PHF2: variants seen among roughly 807,000 people sequenced by gnomAD.
PHF2 encodes the protein lysine-specific demethylase PHF2.
Under a neutral mutation model 120.5 loss-of-function variants are expected in PHF2, and 27 were observed. The ratio of observed to expected loss-of-function variants is 0.22; its 90% CI spans 0.17 to 0.31. The LOEUF is 0.31. Among genes scored for constraint, PHF2 ranks in the 10% least tolerant of loss-of-function variants. The pLI is 1.00. For missense variants in PHF2, 1,024 were observed against 1,434.8 expected, an observed-to-expected ratio of 0.71 and a Z score of 4.63; for synonymous variants, 568 against 592.5, an observed-to-expected ratio of 0.96 and a Z score of 0.60.
chr9:93,672,349 AG>A (rs1409080141), intron 17 of PHF2: 2 of 942,368 alleles, frequency 2.1e-6, no homozygotes, highest in African/African-American at 4.3e-5. Context: ...TGGGTGTGGG[AG>A]TAGGGTCAGG....
chr9:93,652,340 G>A (rs1163621266), intron 5 of PHF2, among the ~76,000 whole-genome samples: 1 of 144,924 alleles, frequency 6.9e-6, no homozygotes, highest in African/African-American at 2.7e-5. Flanking sequence ...TGTTGCCCAG[G>A]CTGGAGGGCA....
At chr9:93,610,554 A>C (rs927796968) in intron 1 of PHF2, among the ~76,000 whole-genome samples, 1 of 152,194 alleles carries the variant, frequency 6.6e-6, no homozygotes, top group African/African-American at 2.4e-5. Context: ...TGATCATTGC[A>C]ACATCAGTGC....
At chr9:93,585,578 C>T (rs1320215098) in intron 1 of PHF2, among the ~76,000 whole-genome samples, 1 of 152,230 alleles carries the variant, frequency 6.6e-6, no homozygotes, top group East Asian at 1.9e-4. Flanking sequence ...ATGGGTAGGG[C>T]GCAAGGCCAC....
In PHF2 at chr9:93,623,234, A is replaced by T. The variant is rs191142699; in HGVS notation, c.99-6736A>T. Among the ~76,000 whole-genome samples the T allele has an allele frequency of 2.4e-3, 362 of 152,312 alleles. 1 individual carries two copies. The highest frequency in any genetic ancestry group is 8.3e-3 in the African/African-American group (344 of 41,568). On this transcript the variant is annotated intron_variant, in intron 1 of 21. Coordinates refer to ENST00000359246, the MANE Select transcript of PHF2 (RefSeq NM_005392.4). Reference sequence around the variant, plus strand: ...CTAATTTCTGGGCTGCAAGAGCTCAACCAGCTCCAGGGCAATATATTATAA... The same window carrying T: ...CTAATTTCTGGGCTGCAAGAGCTCATCCAGCTCCAGGGCAATATATTATAA...
At chr9:93,666,124 G>A in intron 16 of PHF2, 64 bp downstream of exon 16, 1 of 1,550,632 alleles carries the variant, frequency 6.4e-7, no homozygotes, top group South Asian at 1.1e-5. Context: ...CCAAGGCCAT[G>A]GTTTGAGTGA....
rs189029273 is a variant in PHF2, at chr9:93,611,143, G to A, written c.99-18827G>A. ...CAGAAGAGTATTCTTGGCTGGGTGC[G>A]GTGGCTCAACGCCTGTAATCCCAGC... On this transcript the variant is annotated intron_variant, in intron 1 of 21. Coordinates refer to ENST00000359246, the MANE Select transcript of PHF2 (RefSeq NM_005392.4). 1.6e-4 allele frequency among the ~76,000 whole-genome samples: 25 copies of A among 152,172 alleles called. No individual in the cohort carries two copies. The East Asian group carries it at 3.3e-3, about 20-fold the overall frequency.
At chr9:93,643,265 T>A (rs754253210) in intron 3 of PHF2, among the ~76,000 whole-genome samples, 7 of 152,230 alleles carry the variant, frequency 4.6e-5, no homozygotes, top group Non-Finnish European at 7.3e-5. Flanking sequence ...AGTTTGGGGT[T>A]CCCAACCGAT....
Position 93,667,302 on chromosome 9 carries a change from C to T in PHF2, c.2348+62C>T, listed in dbSNP as rs552534242. ...ACCAGGCAGGCCCAGGGCTGGCCCTCGGCCATGATGGTGGGAGCCTGCGAG... is the reference window on the plus strand; with the variant it reads ...ACCAGGCAGGCCCAGGGCTGGCCCTTGGCCATGATGGTGGGAGCCTGCGAG... On this transcript the variant is annotated intron_variant, in intron 17 of 21. Transcript: ENST00000359246. 2.6e-5 allele frequency: 40 copies of T among 1,547,818 alleles called. No homozygotes were observed. In the African/African-American group the frequency reaches 3.4e-4, roughly 13 times the overall value.
chr9:93,577,710 G>C (rs868778493), intron 1 of PHF2, among the ~76,000 whole-genome samples: 1 of 152,192 alleles, frequency 6.6e-6, no homozygotes, highest in Non-Finnish European at 1.5e-5. Context: ...AGATGGGGAG[G>C]GGGGAAGGAG....
chr9:93,601,913 C>T (rs920558326), intron 1 of PHF2, among the ~76,000 whole-genome samples: 2 of 149,152 alleles, frequency 1.3e-5, no homozygotes, highest in African/African-American at 2.5e-5. Context: ...GGGGATCTCA[C>T]GCCCAAGGAT....
chr9:93,663,482 TG>T (rs772960129), intron 13 of PHF2, 34 bp from the exon 14 acceptor site: 11 of 1,328,844 alleles, frequency 8.3e-6, no homozygotes, highest in Non-Finnish European at 1.2e-5. Flanking sequence ...CACTTCTGTG[TG>T]GGGCTCAGGG....
intron 1 of PHF2, among the ~76,000 whole-genome samples, chr9:93,605,677 A>T (rs1332100798): frequency 1.3e-5 from 2 of 152,158 alleles, no homozygotes; most frequent in African/African-American, 2.4e-5. Context: ...TCGGCTTTTC[A>T]CTTGGGCTTC....
intron 2 of PHF2, among the ~76,000 whole-genome samples, chr9:93,634,214 G>A (rs1826054132): frequency 6.6e-6 from 1 of 152,150 alleles, no homozygotes; most frequent in Non-Finnish European, 1.5e-5. Context: ...GAACTCTGGA[G>A]CCCCTTGCTC....
At chr9:93,614,975 C>A (rs146250638) in intron 1 of PHF2, among the ~76,000 whole-genome samples, 1 of 138,438 alleles carries the variant, frequency 7.2e-6, no homozygotes. Flanking sequence ...ATAGTGATGA[C>A]GGTAATGGTG....
intron 1 of PHF2, among the ~76,000 whole-genome samples, chr9:93,616,114 CA>C (rs1309503258): frequency 4.6e-5 from 7 of 152,194 alleles, no homozygotes; most frequent in African/African-American, 1.7e-4. Flanking sequence ...AAGACTTGTA[CA>C]ACCCATTGTT....
chr9:93,671,940 A>G (rs1290980125), intron 17 of PHF2, among the ~76,000 whole-genome samples: 15 of 80,438 alleles, frequency 1.9e-4, no homozygotes, highest in Middle Eastern at 0.015. Context: ...GTAGATGCAG[A>G]TGTGGGTGTG....
At chr9:93,647,236 T>C (rs957083777) in intron 4 of PHF2, among the ~76,000 whole-genome samples, 1 of 152,148 alleles carries the variant, frequency 6.6e-6, no homozygotes, top group Non-Finnish European at 1.5e-5. Flanking sequence ...GTGCCAGGCA[T>C]TTTTCTAAGC....
At chr9:93,633,738 C>G (rs1020570557) in intron 2 of PHF2, among the ~76,000 whole-genome samples, 2 of 152,206 alleles carry the variant, frequency 1.3e-5, no homozygotes, top group African/African-American at 2.4e-5. Flanking sequence ...CCGGGGGCCC[C>G]TGGCCTCAGT....
At chr9:93,664,033 C>T (rs1826630088) in intron 14 of PHF2, among the ~76,000 whole-genome samples, 1 of 152,212 alleles carries the variant, frequency 6.6e-6, no homozygotes, top group South Asian at 2.1e-4. Context: ...AAGATACAGC[C>T]AGCCTGCAAT....
Sources: gnomAD v4.1 joint callset for allele counts (sites outside exome capture counted in the v4.1 genomes callset) on GRCh38, gnomAD v4.1.1 for gene constraint, MANE v1.5 for transcripts, NCBI Gene and HGNC (gene_info 2026-07-23, HGNC 2026-07-21) for gene names.